B3GAT2: variants seen among roughly 807,000 people sequenced by gnomAD.
B3GAT2 encodes the protein galactosylgalactosylxylosylprotein 3-beta-glucuronosyltransferase 2.
A neutral mutation model predicts 27.8 loss-of-function variants in B3GAT2; 26 were observed. That is an observed-to-expected ratio of 0.93 (90% CI 0.68 to 1.30). B3GAT2 has a LOEUF of 1.30. Ranked by LOEUF, B3GAT2 falls within the 50% of genes most tolerant of loss-of-function variation. The pLI, the probability that B3GAT2 is intolerant of heterozygous loss-of-function variation, is 0.00. For synonymous variants in B3GAT2, 218 were observed against 195.1 expected, an observed-to-expected ratio of 1.12 and a Z score of -0.98; for missense variants, 458 against 459.0, an observed-to-expected ratio of 1.00 and a Z score of 0.02.
At chr6:70,939,452 G>A (rs1765350807) in intron 1 of B3GAT2, among the ~76,000 whole-genome samples, 2 of 151,068 alleles carry the variant, frequency 1.3e-5, no homozygotes, top group Non-Finnish European at 1.5e-5. Flanking sequence ...GCACATGTAT[G>A]TTTATTGCAG....
intron 2 of B3GAT2, among the ~76,000 whole-genome samples, chr6:70,885,607 G>C (rs559106664): frequency 1.3e-4 from 20 of 152,270 alleles, no homozygotes; most frequent in Middle Eastern, 3.4e-3. Flanking sequence ...AGTTCATCAT[G>C]AGCCCACAGC....
intron 2 of B3GAT2, among the ~76,000 whole-genome samples, chr6:70,883,836 A>C (rs1455891430): frequency 1.3e-5 from 2 of 152,158 alleles, no homozygotes; most frequent in African/African-American, 2.4e-5. Flanking sequence ...ATTATGATTA[A>C]AATATTCCTG....
intron 1 of B3GAT2, among the ~76,000 whole-genome samples, chr6:70,942,784 T>C (rs891934867): frequency 2.0e-5 from 3 of 152,152 alleles, no homozygotes; most frequent in Admixed American, 6.6e-5. Context: ...TAAAACATCT[T>C]CTGAATAGGA....
chr6:70,885,439 G>A (rs1053292512), intron 2 of B3GAT2, among the ~76,000 whole-genome samples: 12 of 152,104 alleles, frequency 7.9e-5, no homozygotes, highest in African/African-American at 2.4e-4. Context: ...ACTCTTTAAT[G>A]ATCTTTTTTG....
chr6:70,898,011 C>T (rs922717796), intron 1 of B3GAT2, among the ~76,000 whole-genome samples: 2 of 152,108 alleles, frequency 1.3e-5, no homozygotes, highest in Non-Finnish European at 2.9e-5. Flanking sequence ...CCTGATTTAC[C>T]ATAGCTTTAT....
In B3GAT2 at chr6:70,857,242, A is replaced by C; in HGVS notation, c.*4421T>G. 2.4e-6 allele frequency: 1 copy of C among 411,888 alleles called. No individual in the cohort carries two copies. The highest frequency in any genetic ancestry group is 4.3e-6 in the Non-Finnish European group (1 of 234,648). The allele number at this position is 411,888 out of a possible 1,614,324, so 25.5% of individuals were successfully genotyped here. A position where few individuals can be genotyped will look rare whatever the true frequency, so the allele number is the denominator to read the frequency against. On this transcript the variant is annotated 3_prime_UTR_variant, in exon 4 of 4. Transcript: ENST00000230053. Reference sequence around the variant, plus strand: ...ATTCACAGAACTTTATTTGGAATTAACAAGCTGTTCATAGATCACTAAATG... The same window carrying C: ...ATTCACAGAACTTTATTTGGAATTACCAAGCTGTTCATAGATCACTAAATG...
intron 1 of B3GAT2, among the ~76,000 whole-genome samples, chr6:70,946,760 C>A (rs11780992): frequency 0.71 from 107,119 of 150,236 alleles, 38,345 homozygotes; most frequent in Middle Eastern, 0.76. Flanking sequence ...CTCTCCACCC[C>A]AAATCAACAG....
intron 2 of B3GAT2, among the ~76,000 whole-genome samples, chr6:70,889,061 C>T (rs1202738675): frequency 6.6e-6 from 1 of 152,164 alleles, no homozygotes; most frequent in Non-Finnish European, 1.5e-5. Context: ...GGAATTCAGC[C>T]AAATGTCACT....
intron 2 of B3GAT2, among the ~76,000 whole-genome samples, chr6:70,882,260 G>A (rs1003704188): frequency 6.6e-6 from 1 of 152,156 alleles, no homozygotes; most frequent in Non-Finnish European, 1.5e-5. Context: ...CCAGCACTTT[G>A]GGAGGTTAAG....
intron 2 of B3GAT2, among the ~76,000 whole-genome samples, chr6:70,886,896 A>T (rs996506154): frequency 6.6e-6 from 1 of 152,114 alleles, no homozygotes; most frequent in Non-Finnish European, 1.5e-5. Flanking sequence ...AGTTGTTGGG[A>T]CAGAATTACC....
At chr6:70,897,677 A>G (rs1304464565) in intron 1 of B3GAT2, among the ~76,000 whole-genome samples, 1 of 145,984 alleles carries the variant, frequency 6.9e-6, no homozygotes, top group Non-Finnish European at 1.5e-5. Flanking sequence ...AAAAATATAT[A>G]TATATATATA....
chr6:70,900,127 G>A (rs1044069068), intron 1 of B3GAT2, among the ~76,000 whole-genome samples: 1 of 152,196 alleles, frequency 6.6e-6, no homozygotes, highest in Admixed American at 6.5e-5. Context: ...GTCATATTCT[G>A]TGGTTTATTC....
intron 2 of B3GAT2, among the ~76,000 whole-genome samples, chr6:70,878,214 C>T (rs1238645753): frequency 1.3e-5 from 2 of 152,128 alleles, no homozygotes; most frequent in South Asian, 2.1e-4. Context: ...TTTTCTACAG[C>T]CTTTTGTCTA....
Position 70,861,939 on chromosome 6 carries a change from T to G in B3GAT2, c.776A>C (p.Lys259Thr), listed in dbSNP as rs1203839514. ...VSLQVILSNP[K>T]AVFKRRGSQP... Reference sequence around the variant, plus strand: ...GGATCCACGACGCTTAAATACAGCTTTTGGATTGGACAAAATGACTTGAAG... The same window carrying G: ...GGATCCACGACGCTTAAATACAGCTGTTGGATTGGACAAAATGACTTGAAG... Residue 259 changes from lysine (K) to threonine (T), a missense_variant, in exon 3 of 4, where the codon AAA (lysine) becomes ACA (threonine). Lys to Thr is a moderately conservative substitution (Grantham distance 78, BLOSUM62 -1). Coordinates refer to ENST00000230053, the MANE Select transcript of B3GAT2 (RefSeq NM_080742.3). 1.2e-6 allele frequency: 2 copies of G among 1,613,968 alleles called. No individual in the cohort carries two copies. The highest frequency in any genetic ancestry group is 1.7e-6 in the Non-Finnish European group (2 of 1,179,896).
intron 2 of B3GAT2, among the ~76,000 whole-genome samples, chr6:70,887,222 C>A (rs1772203210): frequency 6.6e-6 from 1 of 152,184 alleles, no homozygotes; most frequent in Non-Finnish European, 1.5e-5. Context: ...ATCATCTGAT[C>A]CGGGCTGGGC....
intron 2 of B3GAT2, among the ~76,000 whole-genome samples, chr6:70,889,019 T>C (rs1287272185): frequency 6.6e-6 from 1 of 152,228 alleles, no homozygotes; most frequent in Non-Finnish European, 1.5e-5. Context: ...CAAAACTCCT[T>C]GAGGCGAGGG....
At chr6:70,946,519 A>G (rs1765486276) in intron 1 of B3GAT2, among the ~76,000 whole-genome samples, 1 of 152,156 alleles carries the variant, frequency 6.6e-6, no homozygotes, top group Non-Finnish European at 1.5e-5. Context: ...TCAATTCAAC[A>G]AGAAGAGCTA....
chr6:70,874,070 C>T (rs977405910), intron 2 of B3GAT2, among the ~76,000 whole-genome samples: 3 of 152,098 alleles, frequency 2.0e-5, no homozygotes, highest in African/African-American at 7.2e-5. Context: ...GGGACAGTTT[C>T]TATCAACTGC....
intron 2 of B3GAT2, among the ~76,000 whole-genome samples, chr6:70,887,008 C>T (rs1428095795): frequency 1.3e-5 from 2 of 152,170 alleles, no homozygotes; most frequent in African/African-American, 2.4e-5. Context: ...AAAGGTACCA[C>T]ATGACACATC....
Sources: gnomAD v4.1 joint callset for allele counts (sites outside exome capture counted in the v4.1 genomes callset) on GRCh38, gnomAD v4.1.1 for gene constraint, MANE v1.5 for transcripts, NCBI Gene and HGNC (gene_info 2026-07-23, HGNC 2026-07-21) for gene names.